LRRD1: variants seen among roughly 807,000 people sequenced by gnomAD.
The protein encoded by LRRD1 is leucine rich repeats and death domain containing 1.
LRRD1 carries 49 observed loss-of-function variants against 69.5 expected under a neutral mutation model. The ratio of observed to expected loss-of-function variants is 0.70; its 90% CI spans 0.56 to 0.89. LRRD1 has a LOEUF of 0.89. Ranked by LOEUF, LRRD1 falls within the 40% of genes least tolerant of loss-of-function variation. The pLI is 0.00. For synonymous variants in LRRD1, 303 were observed against 338.9 expected (o/e 0.89, Z 1.16); for missense variants, 853 against 956.0 (o/e 0.89, Z 1.42).
chr7:92,155,686 C>G (rs1038852755), intron 3 of LRRD1, among the ~76,000 whole-genome samples: 2 of 152,190 alleles, frequency 1.3e-5, no homozygotes, highest in South Asian at 4.1e-4. Context: ...AATGGGCCAT[C>G]TGCAAGCTGA....
intron 4 of LRRD1, among the ~76,000 whole-genome samples, chr7:92,148,858 C>T (rs547885433): frequency 6.6e-6 from 1 of 152,210 alleles, no homozygotes; most frequent in South Asian, 2.1e-4. Context: ...AGCGATTCTC[C>T]TGCTTCAGCC....
chr7:92,144,118 A>G (rs1371714530), downstream of LRRD1, among the ~76,000 whole-genome samples: 1 of 152,220 alleles, frequency 6.6e-6, no homozygotes, highest in Non-Finnish European at 1.5e-5. Flanking sequence ...TGGACACTCA[A>G]CTGAAGGATT....
chr7:92,150,264 G>C (rs898665376), intron 4 of LRRD1, among the ~76,000 whole-genome samples: 3 of 152,108 alleles, frequency 2.0e-5, no homozygotes, highest in Non-Finnish European at 4.4e-5. Context: ...GGGAGTTCAA[G>C]ACTAGCCTGG....
chr7:92,169,419 G>A lies in LRRD1; in HGVS notation c.-74-4143C>T, dbSNP rs553616460. ...TGTAATCCCAGCACTTTGGGAGGCC[G>A]AGACAGGTGGATCATGAGGTGAGGA... On this transcript the variant is annotated intron_variant, in intron 1 of 5. Transcript: ENST00000458448. 1.7e-3 allele frequency among the ~76,000 whole-genome samples: 263 copies of A among 152,082 alleles called. 1 individual carries two copies. Among genetic ancestry groups the A allele is most frequent in the African/African-American group, 5.9e-3 (246 of 41,524 alleles).
At chr7:92,174,198 G>A (rs967109872) in intron 1 of LRRD1, among the ~76,000 whole-genome samples, 20 of 151,726 alleles carry the variant, frequency 1.3e-4, no homozygotes, top group African/African-American at 4.8e-4. Flanking sequence ...CATGAGGAGA[G>A]GTTGATTAAT....
At position 92,165,268 on chromosome 7, in the gene LRRD1, C is replaced by T; in HGVS notation, c.-66G>A. 1 of 948,220 alleles carries T rather than the reference C, an allele frequency of 1.1e-6. No homozygotes were observed. The highest frequency in any genetic ancestry group is 1.4e-6 in the Non-Finnish European group (1 of 692,750). The allele number at this position is 948,220 out of a possible 1,614,324, so 58.7% of individuals were successfully genotyped here. The stretch of plus-strand genomic sequence containing the variant: ...CTTGATTTTAATTTTCATGTTTTTT[C>T]CTTTGAATCTACAAAACAAATGTTG... On this transcript the variant is annotated 5_prime_UTR_variant, in exon 2 of 6. Coordinates refer to ENST00000458448, the MANE Select transcript of LRRD1 (RefSeq NM_001161528.2).
chr7:92,158,919 A>G, intron 3 of LRRD1, 86 bp downstream of exon 3: 1 of 1,042,972 alleles, frequency 9.6e-7, no homozygotes, highest in Non-Finnish European at 1.4e-6. Context: ...ACTCTTTGCC[A>G]TTCTGTATCT....
At chr7:92,151,949 CAAAA>C (rs561382791) in intron 3 of LRRD1, among the ~76,000 whole-genome samples, 2 of 82,992 alleles carry the variant, frequency 2.4e-5, no homozygotes, top group Non-Finnish European at 5.1e-5. Context: ...AACTCCATCT[CAAAA>C]AAAAAAAAAA....
chr7:92,164,563 TTAAATTA>T lies in LRRD1; in HGVS notation c.633_639del (p.His211GlnfsTer4), dbSNP rs1788861700. On this transcript the variant is annotated frameshift_variant, in exon 2 of 6. Coordinates refer to ENST00000458448, the MANE Select transcript of LRRD1 (RefSeq NM_001161528.2). LOFTEE classifies it high-confidence loss of function. The stretch of plus-strand genomic sequence containing the variant: ...TGGTTATGACTGACATTTAATATCC[TTAAATTA>T]TGAAGTAACTGAATTTCAGATGGAA... 1 of 1,551,122 alleles carries T rather than the reference TTAAATTA, an allele frequency of 6.4e-7. No homozygotes were observed.
chr7:92,171,726 C>T (rs1215689750), intron 1 of LRRD1, among the ~76,000 whole-genome samples: 3 of 152,176 alleles, frequency 2.0e-5, no homozygotes, highest in Non-Finnish European at 4.4e-5. Context: ...AAGAAAACTA[C>T]AGGCTAATAT....
At chr7:92,151,236 G>A (rs761730459) in intron 3 of LRRD1, among the ~76,000 whole-genome samples, 14 of 151,976 alleles carry the variant, frequency 9.2e-5, no homozygotes, top group Non-Finnish European at 1.9e-4. Flanking sequence ...CTCATTAGTC[G>A]CCTCTGGTTT....
intron 1 of LRRD1, among the ~76,000 whole-genome samples, chr7:92,168,113 C>T (rs1788962603): frequency 6.6e-6 from 1 of 151,928 alleles, no homozygotes; most frequent in African/African-American, 2.4e-5. Flanking sequence ...GGAAATAGTT[C>T]CTAAGACCGC....
chr7:92,163,807 T>C lies in LRRD1; in HGVS notation c.1396A>G (p.Ile466Val). The C allele has an allele frequency of 1.3e-6, 2 of 1,500,916 alleles. No individual in the cohort carries two copies. Among genetic ancestry groups the C allele is most frequent in the Non-Finnish European group, 1.8e-6 (2 of 1,129,544 alleles). 93.0% of individuals were successfully genotyped at this position (1,500,916 alleles called of 1,614,324 possible). ...TTATAACTCAATTCAATTTTAATTA[T>C]TTTTTGGCAGTTTTTTATTTCAATG... ...VPIEIKNCQK[I>V]IKIELSYNKI... Residue 466 changes from isoleucine (I) to valine (V), a missense_variant, in exon 2 of 6, where the codon ATA becomes GTA. This residue lies in a region of LRRD1 where 739 missense variants were observed against 808.0 expected (regional missense o/e 0.91). Coordinates refer to ENST00000458448, the MANE Select transcript of LRRD1 (RefSeq NM_001161528.2).
At chr7:92,148,272 A>G (rs1584649753) in intron 4 of LRRD1, among the ~76,000 whole-genome samples, 1 of 152,006 alleles carries the variant, frequency 6.6e-6, no homozygotes, top group Admixed American at 6.6e-5. Context: ...TAGTCTCACT[A>G]TATTGCCCAA....
At chr7:92,146,648 C>T (rs1820331773) in intron 4 of LRRD1, among the ~76,000 whole-genome samples, 3 of 147,818 alleles carry the variant, frequency 2.0e-5, no homozygotes, top group Admixed American at 6.8e-5. Flanking sequence ...CAGCCATGCG[C>T]GGTGGCTCAT....
chr7:92,171,413 T>C (rs1326854245), intron 1 of LRRD1, among the ~76,000 whole-genome samples: 1 of 151,924 alleles, frequency 6.6e-6, no homozygotes, highest in Admixed American at 6.6e-5. Context: ...ATCAACAAAT[T>C]GGAAAACCTA....
intron 1 of LRRD1, among the ~76,000 whole-genome samples, chr7:92,168,772 C>T (rs1788984192): frequency 6.6e-6 from 1 of 152,026 alleles, no homozygotes; most frequent in African/African-American, 2.4e-5. Context: ...AATAACTAAT[C>T]TTTCAATGTA....
chr7:92,161,343 T>G (rs1788791544), intron 2 of LRRD1, among the ~76,000 whole-genome samples: 2 of 152,286 alleles, frequency 1.3e-5, no homozygotes, highest in Admixed American at 1.3e-4. Flanking sequence ...TGTAAATCAT[T>G]TTTTCCATTT....
Position 92,158,973 on chromosome 7 carries a change from G to T in LRRD1, c.2116+32C>A. On this transcript the variant is annotated intron_variant, in intron 3 of 5. Transcript: ENST00000458448. ...CTCAGACATTAATACTCTACTTATT[G>T]ATTATGCTTACTGATTATGCTTGAC... The T allele has an allele frequency of 4.0e-6, 6 of 1,497,068 alleles. No individual in the cohort carries two copies. In the South Asian group the frequency reaches 5.2e-5, roughly 13 times the overall value. The allele number at this position is 1,497,068 out of a possible 1,614,324, so 92.7% of individuals were successfully genotyped here. A position where few individuals can be genotyped will look rare whatever the true frequency, so the allele number is the denominator to read the frequency against.
Sources: gnomAD v4.1 joint callset for allele counts (sites outside exome capture counted in the v4.1 genomes callset) on GRCh38, gnomAD v4.1.1 for gene constraint, gnomAD v4.1.1 regional missense constraint, MANE v1.5 for transcripts, NCBI Gene and HGNC (gene_info 2026-07-23, HGNC 2026-07-21) for gene names.